UNC80: variants seen among roughly 807,000 people sequenced by gnomAD.
UNC80 encodes the protein protein unc-80 homolog.
A neutral mutation model predicts 384.6 loss-of-function variants in UNC80; 164 were observed. The ratio of observed to expected loss-of-function variants is 0.43; its 90% CI spans 0.38 to 0.49. The LOEUF is 0.49. UNC80 is among the 20% of genes least tolerant of loss of function. The pLI is 0.00. For missense variants in UNC80, 3,330 were observed against 4,143.0 expected (o/e 0.80, Z 5.39); for synonymous variants, 1,486 against 1,527.8 (o/e 0.97, Z 0.64).
At chr2:209,906,887 T>C (rs1283628117) in intron 29 of UNC80, among the ~76,000 whole-genome samples, 1 of 152,318 alleles carries the variant, frequency 6.6e-6, no homozygotes, top group East Asian at 1.9e-4. Flanking sequence ...AAACCATATA[T>C]GTTGAAAGTT....
intron 7 of UNC80, chr2:209,809,111 C>A: frequency 1.8e-6 from 1 of 546,410 alleles, no homozygotes. Context: ...CGTTCACAGC[C>A]TTCTTCGTCT....
At chr2:209,914,681 GTA>G (rs1553596303) in intron 31 of UNC80, among the ~76,000 whole-genome samples, 55 of 149,660 alleles carry the variant, frequency 3.7e-4, no homozygotes, top group African/African-American at 1.1e-3. Flanking sequence ...GTGTGTGTGT[GTA>G]TATAAATACA....
intron 39 of UNC80, 85 bp downstream of exon 39, chr2:209,934,090 A>C: frequency 1.5e-6 from 2 of 1,328,670 alleles, no homozygotes; most frequent in South Asian, 1.6e-5. Context: ...TCTTTCATTC[A>C]TGAGAAAATT....
chr2:209,942,237 G>A (rs146357974), intron 44 of UNC80, among the ~76,000 whole-genome samples: 3 of 152,154 alleles, frequency 2.0e-5, no homozygotes, highest in South Asian at 2.1e-4. Context: ...ACCATCCCCC[G>A]CACTCACCCT....
At chr2:209,933,620 T>C (rs2091045653) in intron 38 of UNC80, among the ~76,000 whole-genome samples, 1 of 152,034 alleles carries the variant, frequency 6.6e-6, no homozygotes, top group African/African-American at 2.4e-5. Context: ...TTTAATGATA[T>C]ATAAAAATGT....
chr2:209,787,159 G>C (rs1187392789), intron 5 of UNC80, among the ~76,000 whole-genome samples: 3 of 111,222 alleles, frequency 2.7e-5, no homozygotes, highest in Non-Finnish European at 5.1e-5. Flanking sequence ...TAAGAAACCA[G>C]ACTCAGCTTA....
chr2:209,977,811 A>G (rs563167659), intron 58 of UNC80, among the ~76,000 whole-genome samples: 1 of 152,342 alleles, frequency 6.6e-6, no homozygotes, highest in East Asian at 1.9e-4. Flanking sequence ...TGAGGAAGGA[A>G]AATAAATCAT....
At chr2:209,970,711 A>G (rs2092859637) in intron 53 of UNC80, 121 bp from the exon 54 acceptor site, 3 of 1,279,062 alleles carry the variant, frequency 2.3e-6, no homozygotes, top group African/African-American at 3.0e-5. Flanking sequence ...GAAAAGATTG[A>G]AAGTAACATG....
rs2086615022 is a variant in UNC80, at chr2:209,894,300, C to G, written c.4414C>G (p.Gln1472Glu). 1.0e-6 allele frequency: 1 copy of G among 985,352 alleles called. No homozygotes were observed. The highest frequency in any genetic ancestry group is 1.2e-6 in the Non-Finnish European group (1 of 829,926). The allele number at this position is 985,352 out of a possible 1,614,324, so 61.0% of individuals were successfully genotyped here. Residue 1472 changes from glutamine (Q) to glutamate (E), a missense_variant, in exon 27 of 65, where the codon CAG (glutamine) becomes GAG (glutamate). Physicochemically the swap from Gln to Glu is conservative, Grantham distance 29. Around this residue, in one of 8 missense-constraint regions of UNC80, gnomAD observed 801 missense variants for 950.8 expected, o/e 0.84. Coordinates refer to ENST00000673920, the MANE Select transcript of UNC80 (RefSeq NM_001371986.1). ...CTTAAAGAGCAGCAAGTTATCACGGCAGGACTCAGAGTCTGAGGCTGAGGA... is the reference window on the plus strand; with the variant it reads ...CTTAAAGAGCAGCAAGTTATCACGGGAGGACTCAGAGTCTGAGGCTGAGGA... ...GSLKSSKLSR[Q>E]DSESEAEELQ... is the part of the protein sequence containing the mutation.
At chr2:209,905,614 T>A (rs936739441) in intron 29 of UNC80, among the ~76,000 whole-genome samples, 3 of 152,206 alleles carry the variant, frequency 2.0e-5, no homozygotes, top group African/African-American at 7.2e-5. Flanking sequence ...TAAATTTGTG[T>A]CATTTTAAGC....
At chr2:209,915,447 G>T (rs933900221) in intron 31 of UNC80, among the ~76,000 whole-genome samples, 2 of 150,772 alleles carry the variant, frequency 1.3e-5, no homozygotes, top group Non-Finnish European at 2.9e-5. Flanking sequence ...GAATGTGGAC[G>T]TGCACTGGGC....
At chr2:209,816,426 C>G (rs2079740602) in intron 9 of UNC80, among the ~76,000 whole-genome samples, 2 of 152,156 alleles carry the variant, frequency 1.3e-5, no homozygotes, top group South Asian at 4.1e-4. Flanking sequence ...AGTTGGCTAA[C>G]TGAAACAATG....
chr2:209,949,290 A>C (rs1559379243), intron 47 of UNC80, among the ~76,000 whole-genome samples: 1 of 152,190 alleles, frequency 6.6e-6, no homozygotes, highest in Non-Finnish European at 1.5e-5. Context: ...ACAAGTGCTT[A>C]AACAAAAAGG....
At chr2:209,959,815 T>A in intron 51 of UNC80, 108 bp downstream of exon 51, 1 of 1,018,938 alleles carries the variant, frequency 9.8e-7, no homozygotes, top group Non-Finnish European at 1.4e-6. Flanking sequence ...ACTCTTAATA[T>A]AGAATGATTT....
intron 60 of UNC80, 105 bp from the exon 61 acceptor site, chr2:209,984,747 CTATT>C: frequency 1.0e-6 from 1 of 997,814 alleles, no homozygotes; most frequent in Non-Finnish European, 1.4e-6. Flanking sequence ...TCGGTTAAAT[CTATT>C]TATTTTTGGT....
rs1292140479 is a variant in UNC80 at position 209,977,010 on chromosome 2, A to G, written c.8870A>G (p.Lys2957Arg). 6.5e-7 allele frequency: 1 copy of G among 1,539,658 alleles called. No individual in the cohort carries two copies. Among genetic ancestry groups the G allele is most frequent in the Non-Finnish European group, 8.8e-7 (1 of 1,137,034 alleles). ...ERRFIPRPLC[K>R]SSLIAEFNSE... is the part of the protein sequence containing the mutation. ...CGCTTCATACCACGCCCTTTGTGTA[A>G]GAGCTCGCTCATTGCTGAGTTCAAC... Residue 2957 changes from lysine (K) to arginine (R), a missense_variant, in exon 58 of 65, where the codon AAG becomes AGG. This residue lies in a region of UNC80 where 216 missense variants were observed against 245.3 expected (regional missense o/e 0.88). Transcript: ENST00000673920.
At chr2:209,985,373 A>G (rs1371597605) in intron 61 of UNC80, among the ~76,000 whole-genome samples, 2 of 152,248 alleles carry the variant, frequency 1.3e-5, no homozygotes, top group Non-Finnish European at 2.9e-5. Flanking sequence ...CAATGATGTT[A>G]TAAAAAGAAT....
intron 18 of UNC80, among the ~76,000 whole-genome samples, chr2:209,838,618 C>T (rs1389427912): frequency 2.6e-5 from 4 of 151,858 alleles, no homozygotes; most frequent in African/African-American, 7.2e-5. Context: ...TGGGGTGATG[C>T]GTGGGGAATG....
intron 45 of UNC80, among the ~76,000 whole-genome samples, chr2:209,943,793 T>A (rs974104472): frequency 6.6e-6 from 1 of 152,204 alleles, no homozygotes; most frequent in Non-Finnish European, 1.5e-5. Context: ...GGGCTTTCTC[T>A]GGTTGGTCCT....
Sources: allele counts gnomAD v4.1 joint callset (sites outside exome capture counted in the v4.1 genomes callset), GRCh38; gene constraint gnomAD v4.1.1; regional missense constraint gnomAD v4.1.1; transcripts MANE v1.5; gene names NCBI Gene and HGNC (gene_info 2026-07-23, HGNC 2026-07-21).